BRS3: variants seen among roughly 807,000 people sequenced by gnomAD.
BRS3 encodes bombesin receptor subtype 3.
A neutral mutation model predicts 18.8 loss-of-function variants in BRS3; 5 were observed. The ratio of observed to expected loss-of-function variants is 0.27; its 90% CI spans 0.14 to 0.56. The LOEUF (loss-of-function observed/expected upper bound fraction) is 0.56, where lower values mean the gene tolerates loss of function less well. Among genes scored for constraint, BRS3 ranks in the 20% least tolerant of loss-of-function variants. The pLI is 0.93. For missense variants in BRS3, 215 were observed against 296.3 expected (o/e 0.73, Z 2.01); for synonymous variants, 121 against 115.0 (o/e 1.05, Z -0.33).
intron 2 of BRS3, 49 bp from the exon 3 acceptor site, chrX:136,491,913 G>GTGTTTTTTTTTTTTTTTTTTTTTTTTTTT (rs773324636): frequency 2.3e-6 from 1 of 431,734 alleles, no homozygotes; most frequent in African/African-American, 8.1e-5. Flanking sequence ...TGTTTTTTGT[G>GTGTTTTTTTTTTTTTTTTTTTTTTTTTTT]TTTTTTTTTT....
In BRS3 at chrX:136,488,066, G is replaced by A; in HGVS notation, c.-49G>A. On this transcript the variant is annotated 5_prime_UTR_variant, in exon 1 of 3. Transcript: ENST00000370648. ...TAGGCATTGGACGTGACAATCAACT[G>A]CATTTGAACTGAGAAGAAGAAATAT... is the stretch of plus-strand genomic sequence containing the variant. The A allele has an allele frequency of 8.9e-7, 1 of 1,125,076 alleles. No homozygotes were observed. The highest frequency in any genetic ancestry group is 1.2e-6 in the Non-Finnish European group (1 of 839,309). The allele number at this position is 1,125,076 out of a possible 1,213,427, so 92.7% of individuals were successfully genotyped here. A position where few individuals can be genotyped will look rare whatever the true frequency, so the allele number is the denominator to read the frequency against.
chrX:136,490,081 T>G, intron 1 of BRS3, 52 bp from the exon 2 acceptor site: 1 of 1,065,979 alleles, frequency 9.4e-7, no homozygotes, highest in Non-Finnish European at 1.3e-6. Context: ...ACCCTAAAAT[T>G]TGGTAACTTT....
At chrX:136,490,026 A>C (rs150938152) in intron 1 of BRS3, 107 bp from the exon 2 acceptor site, 55 of 591,179 alleles carry the variant, frequency 9.3e-5, no homozygotes, top group Non-Finnish European at 1.4e-4. Context: ...GGTTATACAC[A>C]TATGCACGGA....
rs1405731968 is a variant in BRS3, at chrX:136,488,160, A to G, written c.46A>G (p.Ile16Val). The change falls in exon 1 of 3, where the codon ATC becomes GTC. Residue 16 changes from isoleucine to valine, a missense_variant. Transcript: ENST00000370648. ...PHSPNQTLIS[I>V]TNDTESSSSV... ...CTCACCTAATCAGACTTTAATTTCA[A>G]TCACAAATGACACAGAATCATCAAG... 8.3e-7 allele frequency: 1 copy of G among 1,209,633 alleles called. No individual in the cohort carries two copies. Among genetic ancestry groups the G allele is most frequent in the South Asian group, 1.8e-5 (1 of 56,237 alleles).
intron 1 of BRS3, 53 bp downstream of exon 1, chrX:136,488,601 A>G (rs1014199039): frequency 9.0e-7 from 1 of 1,109,120 alleles, no homozygotes; most frequent in Non-Finnish European, 1.2e-6. Context: ...GGGCAAAAAG[A>G]AAGGAAAGCT....
At chrX:136,489,558 C>G in intron 1 of BRS3, among the ~76,000 whole-genome samples, 1 of 111,338 alleles carries the variant, frequency 9.0e-6, no homozygotes, top group South Asian at 3.8e-4. Context: ...CACAGGACTT[C>G]TGATTGCAAC....
At position 136,490,448 on chromosome X, in the gene BRS3, C is replaced by T. The variant is rs994906106; in HGVS notation, c.750C>T (p.Asn250=). ...IARTLYKSTL[N]IPTEEQSHAR... is the part of the protein sequence containing the mutation. ...GGACCCTTTACAAAAGCACCCTGAACATACCTACTGAGGAACAAAGCCATG... is the reference window on the plus strand; with the variant it reads ...GGACCCTTTACAAAAGCACCCTGAATATACCTACTGAGGAACAAAGCCATG... Residue 250 remains asparagine, a synonymous_variant, in exon 2 of 3, where the codon AAC becomes AAT. Coordinates refer to ENST00000370648, the MANE Select transcript of BRS3 (RefSeq NM_001727.2). The T allele has an allele frequency of 4.2e-6, 5 of 1,186,483 alleles. No individual in the cohort carries two copies. The highest frequency in any genetic ancestry group is 5.7e-6 in the Non-Finnish European group (5 of 880,303).
chrX:136,490,620 C>A, intron 2 of BRS3, 136 bp downstream of exon 2: 1 of 470,238 alleles, frequency 2.1e-6, no homozygotes, highest in Non-Finnish European at 3.2e-6. Flanking sequence ...TGAGCATAGG[C>A]TCCGGTTTGA....
Position 136,492,294 on chromosome X carries a change from C to A in BRS3, c.1119C>A (p.Gly373=), listed in dbSNP as rs1008326455. 2 of 1,209,311 alleles carry A rather than the reference C, an allele frequency of 1.7e-6. No individual in the cohort carries two copies. The highest frequency in any genetic ancestry group is 3.5e-5 in the African/African-American group (2 of 56,966). The change falls in exon 3 of 3, where the codon GGC becomes GGA. Residue 373 remains glycine, a synonymous_variant. Transcript: ENST00000370648. ...TTLAVMGTVP[G]TGSIQMSEIS... The stretch of plus-strand genomic sequence containing the variant: ...TGGCTGTGATGGGAACGGTCCCGGG[C>A]ACTGGGAGCATACAGATGTCTGAAA...
intron 1 of BRS3, 86 bp from the exon 2 acceptor site, chrX:136,490,047 G>T (rs1394869392): frequency 1.3e-6 from 1 of 759,388 alleles, no homozygotes; most frequent in Admixed American, 3.3e-5. Context: ...GGGTAGAACT[G>T]GATGACCACT....
intron 1 of BRS3, 90 bp downstream of exon 1, chrX:136,488,638 T>C (rs1196936309): frequency 1.1e-6 from 1 of 890,507 alleles, no homozygotes; most frequent in African/African-American, 2.0e-5. Context: ...TGGCTACTAT[T>C]CTGCTTTTCT....
rs776435708 is a variant in BRS3, at chrX:136,488,692, T to C, written c.434+144T>C. The C allele has an allele frequency of 6.5e-6, 4 of 612,662 alleles. No homozygotes were observed. In the South Asian group the frequency reaches 1.5e-4, roughly 23 times the overall value. 50.5% of individuals were successfully genotyped at this position (612,662 alleles called of 1,213,427 possible). ...TGTGAGATTGGAAAATCTGGTGGCA[T>C]TTAAAATAAAAGTTAGTGTAAGAAT... On this transcript the variant is annotated intron_variant, in intron 1 of 2. Transcript: ENST00000370648.
In BRS3 at chrX:136,490,034, G is replaced by A. The variant is rs140873258; in HGVS notation, c.435-99G>A. 6,083 of 651,020 alleles carry A rather than the reference G, an allele frequency of 9.3e-3. 29 individuals are homozygous for A. The highest frequency in any genetic ancestry group is 0.03 in the South Asian group (969 of 32,817). 53.7% of individuals were successfully genotyped at this position (651,020 alleles called of 1,213,427 possible). On this transcript the variant is annotated intron_variant, in intron 1 of 2. Coordinates refer to ENST00000370648, the MANE Select transcript of BRS3 (RefSeq NM_001727.2). ...TTGACTTGGTTATACACATATGCACGGAGGGTAGAACTGGATGACCACTAA... is the reference window on the plus strand; with the variant it reads ...TTGACTTGGTTATACACATATGCACAGAGGGTAGAACTGGATGACCACTAA...
chrX:136,491,984 C>T lies in BRS3; in HGVS notation c.809C>T (p.Ala270Val), dbSNP rs770357133. Residue 270 changes from alanine (A) to valine (V), a missense_variant, in exon 3 of 3, where the codon GCC (alanine) becomes GTC (valine). Physicochemically the swap from Ala to Val is moderately conservative, Grantham distance 64. This residue lies in a region of BRS3 where 123 missense variants were observed against 207.6 expected (regional missense o/e 0.59). Transcript: ENST00000370648. ...RKQIESRKRI[A>V]RTVLVLVALF... ...TAGATTGAATCCCGAAAGAGAATTG[C>T]CAGAACGGTATTGGTGTTGGTGGCT... 3.0e-6 allele frequency: 3 copies of T among 986,159 alleles called. No homozygotes were observed. The highest frequency in any genetic ancestry group is 4.2e-5 in the South Asian group (2 of 47,932). 81.3% of individuals were successfully genotyped at this position (986,159 alleles called of 1,213,427 possible).
At chrX:136,490,513 C>G (rs771657736) in intron 2 of BRS3, 29 bp downstream of exon 2, 3 of 1,063,119 alleles carry the variant, frequency 2.8e-6, no homozygotes, top group Non-Finnish European at 1.3e-6. Context: ...TCATGCAAAT[C>G]TAGTTTGAAT....
At chrX:136,489,460 G>A (rs1199095484) in intron 1 of BRS3, among the ~76,000 whole-genome samples, 1 of 111,468 alleles carries the variant, frequency 9.0e-6, no homozygotes, top group Non-Finnish European at 1.9e-5. Flanking sequence ...GCTTTGACTG[G>A]TCTTATATTC....
Position 136,489,298 on chromosome X carries a change from AT to A in BRS3, c.434+753del, listed in dbSNP as rs1489667977. Among the ~76,000 whole-genome samples the A allele has an allele frequency of 2.7e-5, 3 of 111,824 alleles. No homozygotes were observed. The Admixed American group carries it at 2.8e-4, about 11-fold the overall frequency. Reference sequence around the variant, plus strand: ...AGAATAACTGTAAAAACATGAAAAAATTTGAGGCTCCAAATGTTAAAAATGA... The same window carrying A: ...AGAATAACTGTAAAAACATGAAAAAATTGAGGCTCCAAATGTTAAAAATGA... On this transcript the variant is annotated intron_variant, in intron 1 of 2. Coordinates refer to ENST00000370648, the MANE Select transcript of BRS3 (RefSeq NM_001727.2).
Position 136,493,068 on chromosome X carries a change from T to C in BRS3, c.*693T>C, listed in dbSNP as rs2075675748. The C allele has an allele frequency of 8.9e-6, 1 of 112,538 alleles. No individual in the cohort carries two copies. Among genetic ancestry groups the C allele is most frequent in the Non-Finnish European group, 1.9e-5 (1 of 53,350 alleles). 9.3% of individuals were successfully genotyped at this position (112,538 alleles called of 1,213,427 possible). A position where few individuals can be genotyped will look rare whatever the true frequency, so the allele number is the denominator to read the frequency against. The stretch of plus-strand genomic sequence containing the variant: ...CAAATATTGTTAGGAACTTGCCTTA[T>C]TCATAGGCAGAATAAGTGGTCATGT... On this transcript the variant is annotated 3_prime_UTR_variant, in exon 3 of 3. Transcript: ENST00000370648.
In BRS3 at chrX:136,493,305, A is replaced by G. The variant is rs1208460663; in HGVS notation, c.*930A>G. 9.0e-6 allele frequency: 1 copy of G among 111,285 alleles called. No homozygotes were observed. Among genetic ancestry groups the G allele is most frequent in the Non-Finnish European group, 1.9e-5 (1 of 53,046 alleles). The allele number at this position is 111,285 out of a possible 1,213,427, so 9.2% of individuals were successfully genotyped here. ...ACTTTATTAAACCCAATGGGTGCCT[A>G]AGTCCTGTAAGTGTATGGCCTAATT... On this transcript the variant is annotated 3_prime_UTR_variant, in exon 3 of 3. Coordinates refer to ENST00000370648, the MANE Select transcript of BRS3 (RefSeq NM_001727.2).
Sources: gnomAD v4.1 joint callset for allele counts (sites outside exome capture counted in the v4.1 genomes callset) on GRCh38, gnomAD v4.1.1 for gene constraint, gnomAD v4.1.1 regional missense constraint, MANE v1.5 for transcripts, NCBI Gene and HGNC (gene_info 2026-07-23, HGNC 2026-07-21) for gene names.